The following OVCH2 variants were observed in gnomAD, a reference collection of about 807,000 sequenced individuals.
OVCH2 encodes the protein ovochymase 2.
A neutral mutation model predicts 73.7 loss-of-function variants in OVCH2; 88 were observed. The observed-to-expected ratio is 1.19, with a 90% confidence interval of 1.01 to 1.43. The LOEUF (loss-of-function observed/expected upper bound fraction) is 1.43. Ranked by LOEUF, OVCH2 falls within the 40% of genes most tolerant of loss-of-function variation. The pLI, the probability that OVCH2 is intolerant of heterozygous loss-of-function variation, is 0.00. For missense variants in OVCH2, 706 were observed against 674.5 expected (o/e 1.05, Z -0.52); for synonymous variants, 265 against 234.5 (o/e 1.13, Z -1.19).
Position 7,702,346 on chromosome 11 carries a change from G to T in OVCH2, c.291-17C>A, listed in dbSNP as rs777712826. 6.4e-7 allele frequency: 1 copy of T among 1,557,384 alleles called. No homozygotes were observed. The highest frequency in any genetic ancestry group is 2.3e-5 in the East Asian group (1 of 43,612). On this transcript the variant is annotated splice_polypyrimidine_tract_variant and intron_variant, in intron 3 of 15. Transcript: ENST00000533663. ...ACAATGTTTCTATGGAAAGCAAAGA[G>T]TAAAATGAATGAATTTCATTGTGCC...
rs1856186669 is a variant in OVCH2, at chr11:7,689,886, T to C, written c.*31+38A>G. ...GCTTCTCCGGTTGAACCCTGGATTA[T>C]ACTCTGTGTGTATCAATTGGTCCCC... On this transcript the variant is annotated intron_variant, in intron 15 of 15. Coordinates refer to ENST00000533663, the MANE Select transcript of OVCH2 (RefSeq NM_198185.7). 4.1e-6 allele frequency: 5 copies of C among 1,223,984 alleles called. No homozygotes were observed. In the South Asian group the frequency reaches 5.1e-5, roughly 13 times the overall value. The allele number at this position is 1,223,984 out of a possible 1,614,324, so 75.8% of individuals were successfully genotyped here.
chr11:7,697,039 A>T, intron 8 of OVCH2: 1 of 512,958 alleles, frequency 1.9e-6, no homozygotes, highest in South Asian at 2.6e-5. Context: ...TTTTTATTTT[A>T]TTTTATTTTA....
chr11:7,701,693 A>G, intron 5 of OVCH2, 23 bp downstream of exon 5: 1 of 1,600,438 alleles, frequency 6.2e-7, no homozygotes, highest in Non-Finnish European at 8.5e-7. Flanking sequence ...TCTGCTTAAG[A>G]GGAATGGCAC....
At chr11:7,681,755 G>A in the OVCH2 span, among the ~76,000 whole-genome samples, 2 of 151,676 alleles carry the variant, frequency 1.3e-5, no homozygotes, top group Non-Finnish European at 2.9e-5. Context: ...AGTTTCCAGT[G>A]GAGAATTCCA....
chr11:7,701,911 T>A, intron 4 of OVCH2, 100 bp from the exon 5 acceptor site: 2 of 1,026,762 alleles, frequency 1.9e-6, no homozygotes, highest in South Asian at 1.5e-5. Context: ...AAAGACCTCA[T>A]GAGAGTTGTG....
intron 7 of OVCH2, chr11:7,700,038 G>T: frequency 2.4e-6 from 1 of 409,064 alleles, no homozygotes. Flanking sequence ...AACTGAGATA[G>T]TTTCAATTAA....
At chr11:7,696,652 G>C (rs1398789053) in intron 9 of OVCH2, 57 bp downstream of exon 9, 22 of 1,613,746 alleles carry the variant, frequency 1.4e-5, no homozygotes, top group Non-Finnish European at 1.8e-5. Flanking sequence ...CAGTCCAATT[G>C]GTGGGCCCAG....
the OVCH2 span, among the ~76,000 whole-genome samples, chr11:7,679,899 T>C: frequency 6.6e-6 from 1 of 152,190 alleles, no homozygotes; most frequent in Non-Finnish European, 1.5e-5. Context: ...AGGGAGCTTC[T>C]GGATAGCTGA....
At chr11:7,680,852 T>C in the OVCH2 span, among the ~76,000 whole-genome samples, 8 of 152,254 alleles carry the variant, frequency 5.3e-5, no homozygotes, top group Non-Finnish European at 1.0e-4. Flanking sequence ...CTCAGAGGGC[T>C]TATTTATTTA....
At chr11:7,683,796 A>T in the OVCH2 span, among the ~76,000 whole-genome samples, 12 of 152,184 alleles carry the variant, frequency 7.9e-5, no homozygotes, top group East Asian at 2.3e-3. Flanking sequence ...CTTGCCTTTC[A>T]TTCCTTGTGC....
chr11:7,695,243 C>A, intron 11 of OVCH2, 55 bp from the exon 12 acceptor site: 1 of 1,491,828 alleles, frequency 6.7e-7, no homozygotes, highest in Non-Finnish European at 9.0e-7. Context: ...AAGAAGAATT[C>A]TCACTGCTCT....
chr11:7,692,654 T>C (rs1207580588), intron 12 of OVCH2, among the ~76,000 whole-genome samples: 1 of 152,214 alleles, frequency 6.6e-6, no homozygotes, highest in Non-Finnish European at 1.5e-5. Context: ...GCCTCATGAA[T>C]GTGCATGAAA....
chr11:7,694,609 T>TTTG (rs200472819), intron 12 of OVCH2, among the ~76,000 whole-genome samples: 3 of 22,182 alleles, frequency 1.4e-4, no homozygotes, highest in African/African-American at 4.2e-4. Flanking sequence ...ACACAAAGTT[T>TTTG]TTGTTTTGTT....
Position 7,700,357 on chromosome 11 carries a change from G to A in OVCH2, c.840C>T (p.Ser280=), listed in dbSNP as rs372046408. The A allele has an allele frequency of 5.2e-5, 84 of 1,613,594 alleles. No homozygotes were observed. The highest frequency in any genetic ancestry group is 6.8e-5 in the Non-Finnish European group (80 of 1,179,816). Residue 280 remains serine (S), a synonymous_variant, in exon 7 of 16, where the codon TCC becomes TCT. Coordinates refer to ENST00000533663, the MANE Select transcript of OVCH2 (RefSeq NM_198185.7). ...RNNVRKSDQG[S]PGIFTDISKV... Reference sequence around the variant, plus strand: ...TACTAATGTCTGTGAAGATCCCAGGGGATCCTTGATCACTTTTCCTCACAT... The same window carrying A: ...TACTAATGTCTGTGAAGATCCCAGGAGATCCTTGATCACTTTTCCTCACAT...
chr11:7,698,897 T>C (rs1199490144), intron 7 of OVCH2, 124 bp from the exon 8 acceptor site: 1 of 996,458 alleles, frequency 1.0e-6, no homozygotes. Context: ...AAAAATCTTA[T>C]CTGTGGAAAG....
rs1373021647 is a variant in OVCH2, at chr11:7,701,322, A to T, written c.711+2T>A. On this transcript the variant is annotated splice_donor_variant, in intron 6 of 15. Transcript: ENST00000533663. LOFTEE classifies it high-confidence loss of function. ...CCTGACAGCCCCGCAGCTCCCACCC[A>T]CCTGACATGCGTCTCTCCCTCCATC... 3 of 1,610,314 alleles carry T rather than the reference A, an allele frequency of 1.9e-6. No individual in the cohort carries two copies. The East Asian group carries it at 6.7e-5, about 36-fold the overall frequency.
At chr11:7,703,840 C>T (rs1856487889) in intron 2 of OVCH2, 51 bp from the exon 3 acceptor site, 2 of 1,421,296 alleles carry the variant, frequency 1.4e-6, no homozygotes, top group East Asian at 2.4e-5. Context: ...TGGGATCCCC[C>T]TAAACACGGT....
At chr11:7,682,242 G>A in the OVCH2 span, among the ~76,000 whole-genome samples, 1 of 152,200 alleles carries the variant, frequency 6.6e-6, no homozygotes, top group African/African-American at 2.4e-5. Flanking sequence ...TCACATCGCT[G>A]GACAGTAGCA....
At chr11:7,697,686 T>G (rs1565168959) in intron 8 of OVCH2, among the ~76,000 whole-genome samples, 1 of 152,208 alleles carries the variant, frequency 6.6e-6, no homozygotes, top group Non-Finnish European at 1.5e-5. Context: ...CAACCTTTCA[T>G]CTAATTGGCT....
Sources: allele counts gnomAD v4.1 joint callset (sites outside exome capture counted in the v4.1 genomes callset), GRCh38; gene constraint gnomAD v4.1.1; transcripts MANE v1.5; gene names NCBI Gene and HGNC (gene_info 2026-07-23, HGNC 2026-07-21).